NEB: variants seen among roughly 807,000 people sequenced by gnomAD.
NEB encodes nebulin.
Under a neutral mutation model 952.2 loss-of-function variants are expected in NEB, and 512 were observed. The observed-to-expected ratio is 0.54, with a 90% CI of 0.50 to 0.58. NEB has a LOEUF of 0.58. Ranked by LOEUF, NEB falls within the 20% of genes least tolerant of loss-of-function variation. The pLI is 0.00. For missense variants in NEB, 8,428 were observed against 9,231.1 expected, an observed-to-expected ratio of 0.91 and a Z score of 3.56; for synonymous variants, 2,900 against 3,149.8, an observed-to-expected ratio of 0.92 and a Z score of 2.66.
chr2:151,697,634 T>A lies in NEB; in HGVS notation c.1167A>T (p.Glu389Asp). Residue 389 changes from glutamate to aspartate, a missense_variant, in exon 14 of 182, where the codon GAA (glutamate) becomes GAT (aspartate). By Grantham distance (45) the Glu-to-Asp change is conservative (BLOSUM62 2). Transcript: ENST00000397345. ...TCTTTGCTTTTGTCTTTTCATAGTT[T>A]TCCTTGTATAGTTTCTGTCAAAGAA... ...GDALSDKLYKENYEKTKAKSI... is the reference protein window; with the variant it reads ...GDALSDKLYKDNYEKTKAKSI... 1 of 1,608,226 alleles carries A rather than the reference T, an allele frequency of 6.2e-7. No homozygotes were observed. Among genetic ancestry groups the A allele is most frequent in the East Asian group, 2.2e-5 (1 of 44,854 alleles).
At chr2:151,647,889 G>A (rs2154127688) in intron 54 of NEB, among the ~76,000 whole-genome samples, 1 of 152,304 alleles carries the variant, frequency 6.6e-6, no homozygotes, top group Middle Eastern at 3.4e-3. Flanking sequence ...AATAAATTCT[G>A]TAGACTAGCA....
Position 151,568,427 on chromosome 2 carries a change from A to AC in NEB, c.17635-11_17635-10insG, listed in dbSNP as rs886618285. On this transcript the variant is annotated splice_polypyrimidine_tract_variant and intron_variant, in intron 111 of 181. Coordinates refer to ENST00000397345, the MANE Select transcript of NEB (RefSeq NM_001164508.2). ...CTTTCCGGTATTTAATCTAAAAAAA[A>AC]AAAAATGAGAGGCAAGGGGGCAAGT... 11 of 1,610,430 alleles carry AC rather than the reference A, an allele frequency of 6.8e-6. No individual in the cohort carries two copies. The highest frequency in any genetic ancestry group is 1.7e-4 in the Middle Eastern group (1 of 6,012).
chr2:151,664,045 G>C (rs2099178230), intron 44 of NEB, among the ~76,000 whole-genome samples, 186 bp from the exon 45 acceptor site: 1 of 151,520 alleles, frequency 6.6e-6, no homozygotes, highest in Non-Finnish European at 1.5e-5. Context: ...CGAGACTTGA[G>C]TCCATGGAAA....
chr2:151,503,416 G>A lies in NEB; in HGVS notation c.23768C>T (p.Thr7923Ile). 3.1e-6 allele frequency: 5 copies of A among 1,611,724 alleles called. No homozygotes were observed. Among genetic ancestry groups the A allele is most frequent in the Non-Finnish European group, 4.2e-6 (5 of 1,178,048 alleles). ...SSVMYKENLG[T>I]GIPTTVTPEI... The stretch of plus-strand genomic sequence containing the variant: ...TGGAGTCACAGTGGTTGGAATGCCT[G>A]TTCCCAAGTTTTCTTTGTACATAAC... The change falls in exon 166 of 182, where the codon ACA (threonine) becomes ATA (isoleucine). Residue 7923 changes from threonine (T) to isoleucine (I), a missense_variant. By Grantham distance (89) the Thr-to-Ile change is moderately conservative. Around this residue, in one of 11 missense-constraint regions of NEB, gnomAD observed 3,374 missense variants for 3,651.5 expected, o/e 0.92. Coordinates refer to ENST00000397345, the MANE Select transcript of NEB (RefSeq NM_001164508.2).
chr2:151,620,373 A>G (rs1465569540), intron 72 of NEB, among the ~76,000 whole-genome samples: 1 of 81,694 alleles, frequency 1.2e-5, no homozygotes, highest in Non-Finnish European at 2.8e-5. Context: ...ATATATATAT[A>G]TATATATATA....
chr2:151,688,129 T>C (rs1455126857), intron 25 of NEB, among the ~76,000 whole-genome samples, 163 bp downstream of exon 25: 1 of 152,234 alleles, frequency 6.6e-6, no homozygotes, highest in Non-Finnish European at 1.5e-5. Flanking sequence ...ATCTGATAGA[T>C]AAGTAGGAGT....
At chr2:151,672,968 T>C (rs928766361) in intron 36 of NEB, among the ~76,000 whole-genome samples, 1 of 152,232 alleles carries the variant, frequency 6.6e-6, no homozygotes, top group Non-Finnish European at 1.5e-5. Context: ...AATATGAACA[T>C]GACACATTCT....
At chr2:151,686,256 A>C (rs534292858) in intron 27 of NEB, among the ~76,000 whole-genome samples, 1 of 152,338 alleles carries the variant, frequency 6.6e-6, no homozygotes, top group East Asian at 1.9e-4. Flanking sequence ...TCTTTTTAAA[A>C]AGCCATTCAT....
Position 151,617,488 on chromosome 2 carries a change from A to C in NEB, c.11077-20T>G. ...TAAGCGCTACAAAAAAAAAAAAAAA[A>C]GAGAGAGAGAGAGAGAAAAATTATT... is the stretch of plus-strand genomic sequence containing the variant. On this transcript the variant is annotated intron_variant, in intron 74 of 181. Transcript: ENST00000397345. 8.3e-7 allele frequency: 1 copy of C among 1,204,988 alleles called. No individual in the cohort carries two copies. The highest frequency in any genetic ancestry group is 1.1e-6 in the Non-Finnish European group (1 of 877,124). 74.6% of individuals were successfully genotyped at this position (1,204,988 alleles called of 1,614,324 possible).
chr2:151,727,648 C>T (rs746895397), intron 5 of NEB, 43 bp downstream of exon 5: 13 of 1,560,830 alleles, frequency 8.3e-6, no homozygotes, highest in African/African-American at 1.4e-5. Context: ...TAAGTAATTT[C>T]TTAATAATCA....
chr2:151,653,312 G>A (rs1204971418), intron 52 of NEB, among the ~76,000 whole-genome samples: 11 of 152,132 alleles, frequency 7.2e-5, no homozygotes. Context: ...TAAAATACTT[G>A]TAAAAAATTA....
Position 151,547,682 on chromosome 2 carries a change from A to AT in NEB, c.20213dup (p.Asp6738GlufsTer4), listed in dbSNP as rs1559786400. 3 of 1,613,802 alleles carry AT rather than the reference A, an allele frequency of 1.9e-6. No homozygotes were observed. Among genetic ancestry groups the AT allele is most frequent in the Non-Finnish European group, 2.5e-6 (3 of 1,179,816 alleles). ...TCTTGACTTGGCGGATCTCAGGGGTATCGGGAGTTGTATGGATCTTGTCTT... is the reference window on the plus strand; with the variant it reads ...TCTTGACTTGGCGGATCTCAGGGGTATTCGGGAGTTGTATGGATCTTGTCTT... On this transcript the variant is annotated frameshift_variant, in exon 132 of 182. Transcript: ENST00000397345. LOFTEE classifies it high-confidence loss of function.
chr2:151,728,521 A>G (rs1375295804), intron 4 of NEB, among the ~76,000 whole-genome samples: 1 of 152,178 alleles, frequency 6.6e-6, no homozygotes, highest in Non-Finnish European at 1.5e-5. Flanking sequence ...TGCCATTTAC[A>G]CTAATAAATG....
chr2:151,652,906 G>T (rs2099046273), intron 52 of NEB, among the ~76,000 whole-genome samples: 1 of 152,146 alleles, frequency 6.6e-6, no homozygotes, highest in Non-Finnish European at 1.5e-5. Context: ...AAATGGAAAT[G>T]AGTTTACACA....
intron 173 of NEB, among the ~76,000 whole-genome samples, chr2:151,496,026 G>A (rs1198666304): frequency 1.3e-5 from 2 of 152,204 alleles, no homozygotes; most frequent in Non-Finnish European, 2.9e-5. Context: ...TAAGTTTGGA[G>A]AGAGAGAAGC....
chr2:151,553,323 T>G (rs2095445125), intron 127 of NEB, 75 bp downstream of exon 127: 7 of 1,261,466 alleles, frequency 5.5e-6, no homozygotes, highest in Non-Finnish European at 6.9e-6. Flanking sequence ...ATGTCCCTAT[T>G]TTACATAACC....
intron 28 of NEB, 135 bp downstream of exon 28, chr2:151,684,643 C>A (rs564635324): frequency 3.9e-6 from 3 of 763,608 alleles, no homozygotes; most frequent in Admixed American, 3.4e-5. Flanking sequence ...TCTTATAGAA[C>A]CACAAGGGTC....
intron 80 of NEB, among the ~76,000 whole-genome samples, 172 bp from the exon 81 acceptor site, chr2:151,610,292 T>C (rs2097900367): frequency 6.6e-6 from 1 of 152,250 alleles, no homozygotes; most frequent in African/African-American, 2.4e-5. Context: ...AATTGTAATG[T>C]AATCATATAT....
In NEB at chr2:151,527,556, G is replaced by A. The variant is rs180903156; in HGVS notation, c.21765C>T (p.Asn7255=). 8.7e-6 allele frequency: 14 copies of A among 1,613,078 alleles called. No homozygotes were observed. The East Asian group carries it at 2.7e-4, about 31-fold the overall frequency. Residue 7255 remains asparagine (N), a synonymous_variant, in exon 147 of 182, where the codon AAC becomes AAT. Coordinates refer to ENST00000397345, the MANE Select transcript of NEB (RefSeq NM_001164508.2). ...CAGGAGTCCACTTCCAGTGGGCTTT[G>A]TTGGCTTCGTACTGTTTCTTATAGT... is the stretch of plus-strand genomic sequence containing the variant. ...NLDYKKQYEA[N]KAHWKWTPDR...
Sources: allele counts gnomAD v4.1 joint callset (sites outside exome capture counted in the v4.1 genomes callset), GRCh38; gene constraint gnomAD v4.1.1; regional missense constraint gnomAD v4.1.1; transcripts MANE v1.5; gene names NCBI Gene and HGNC (gene_info 2026-07-23, HGNC 2026-07-21).